Variants in CSTF1 observed in about 807,000 individuals in gnomAD.
CSTF1 encodes CF-1 50 kDa subunit.
Under a neutral mutation model 40.9 loss-of-function variants are expected in CSTF1, and 2 were observed. The observed-to-expected ratio is 0.05, with a 90% CI of 0.02 to 0.15. The LOEUF is 0.15. CSTF1 is among the 10% of genes least tolerant of loss of function. CSTF1 has a pLI of 1.00. For synonymous variants in CSTF1, 218 were observed against 207.2 expected (o/e 1.05, Z -0.45); for missense variants, 279 against 558.9 (o/e 0.50, Z 5.05).
chr20:56,398,151 G>C (rs896234322), intron 4 of CSTF1, among the ~76,000 whole-genome samples: 5 of 152,058 alleles, frequency 3.3e-5, no homozygotes, highest in Admixed American at 3.3e-4. Flanking sequence ...ATATAACTTA[G>C]AGGAATAAAA....
At position 56,405,169 on chromosome 20, in the gene CSTF1, A is replaced by G. The variant is rs1461174494; in HGVS notation, c.*1442A>G. On this transcript the variant is annotated 3_prime_UTR_variant, in exon 6 of 6. Coordinates refer to ENST00000217109, the MANE Select transcript of CSTF1 (RefSeq NM_001324.3). ...TAGTAAATAGATTGAAGTAAAAGTC[A>G]TTGCTTTATATTATAGGAAGTTTTG... The G allele has an allele frequency of 2.0e-5, 3 of 152,056 alleles. No individual in the cohort carries two copies. The highest frequency in any genetic ancestry group is 7.3e-5 in the African/African-American group (3 of 41,378). The allele number at this position is 152,056 out of a possible 1,614,324, so 9.4% of individuals were successfully genotyped here.
chr20:56,401,664 A>G (rs1978457376), intron 5 of CSTF1, among the ~76,000 whole-genome samples: 1 of 152,258 alleles, frequency 6.6e-6, no homozygotes, highest in Non-Finnish European at 1.5e-5. Flanking sequence ...ATGTCCAATA[A>G]GAAGCACTGA....
rs374376023 is a variant in CSTF1 at position 56,399,110 on chromosome 20, T to C, written c.789T>C (p.Asp263=). Residue 263 remains aspartate, a synonymous_variant, in exon 5 of 6, where the codon GAT becomes GAC. Coordinates refer to ENST00000217109, the MANE Select transcript of CSTF1 (RefSeq NM_001324.3). This position sits in a 1 kb window ranked among gnomAD's most constrained non-coding sequence, Gnocchi z 4.6. ...VSCNPQDQHT[D]AICSVNYNSS... ...GCAATCCTCAAGATCAACACACCGATGCTATATGTTCCGTTAATTACAATT... is the reference window on the plus strand; with the variant it reads ...GCAATCCTCAAGATCAACACACCGACGCTATATGTTCCGTTAATTACAATT... 1.9e-4 allele frequency: 305 copies of C among 1,614,102 alleles called. No homozygotes were observed. The highest frequency in any genetic ancestry group is 2.5e-4 in the Non-Finnish European group (298 of 1,180,038).
rs377726257 is a variant in CSTF1, at chr20:56,399,014, T to C, written c.693T>C (p.Phe231=). ...RSISFHPSGD[F]ILVGTQHPTL... is the part of the protein sequence containing the mutation. The stretch of plus-strand genomic sequence containing the variant: ...TCTCTTTTCATCCTTCTGGAGACTT[T>C]ATACTTGTCGGAACTCAGCATCCTA... Residue 231 remains phenylalanine, a synonymous_variant, in exon 5 of 6, where the codon TTT becomes TTC. Coordinates refer to ENST00000217109, the MANE Select transcript of CSTF1 (RefSeq NM_001324.3). The surrounding 1 kb of genome is among the most constrained non-coding windows in gnomAD (Gnocchi z 4.6). The C allele has an allele frequency of 6.4e-5, 104 of 1,614,034 alleles. 1 individual carries two copies. Among genetic ancestry groups the C allele is most frequent in the Non-Finnish European group, 8.6e-5 (101 of 1,180,010 alleles).
Position 56,403,908 on chromosome 20 carries a change from A to G in CSTF1, c.*181A>G. On this transcript the variant is annotated 3_prime_UTR_variant, in exon 6 of 6. Transcript: ENST00000217109. ...CTTGATGTAGAATCATGGTGGAAAA[A>G]GTTGGAAACACAGATCTGTGCAGTT... 3.1e-6 allele frequency: 2 copies of G among 640,148 alleles called. No individual in the cohort carries two copies. The highest frequency in any genetic ancestry group is 5.3e-6 in the Non-Finnish European group (2 of 376,498). The allele number at this position is 640,148 out of a possible 1,614,324, so 39.7% of individuals were successfully genotyped here. A position where few individuals can be genotyped will look rare whatever the true frequency, so the allele number is the denominator to read the frequency against.
chr20:56,397,716 G>A lies in CSTF1; in HGVS notation c.520G>A (p.Asp174Asn). Residue 174 changes from aspartate (D) to asparagine (N), a missense_variant, in exon 4 of 6, where the codon GAT (aspartate) becomes AAT (asparagine). This residue lies in a region of CSTF1 where 162 missense variants were observed against 337.1 expected (regional missense o/e 0.48). Coordinates refer to ENST00000217109, the MANE Select transcript of CSTF1 (RefSeq NM_001324.3). The surrounding 1 kb of genome is among the most constrained non-coding windows in gnomAD (Gnocchi z 4.4). ...GATTCGAACTCTTTATGACCATGTGGATGAAGTCACGTGCCTTGCTTTCCA... is the reference window on the plus strand; with the variant it reads ...GATTCGAACTCTTTATGACCATGTGAATGAAGTCACGTGCCTTGCTTTCCA... ...PVIRTLYDHV[D>N]EVTCLAFHPT... 1 of 1,614,148 alleles carries A rather than the reference G, an allele frequency of 6.2e-7. No homozygotes were observed. Among genetic ancestry groups the A allele is most frequent in the Non-Finnish European group, 8.5e-7 (1 of 1,180,018 alleles).
rs972516329 is a variant in CSTF1, at chr20:56,406,060, G to A, written c.*2333G>A. The A allele has an allele frequency of 6.6e-6, 1 of 152,164 alleles. No homozygotes were observed. Among genetic ancestry groups the A allele is most frequent in the African/African-American group, 2.4e-5 (1 of 41,436 alleles). The allele number at this position is 152,164 out of a possible 1,614,324, so 9.4% of individuals were successfully genotyped here. A position where few individuals can be genotyped will look rare whatever the true frequency, so the allele number is the denominator to read the frequency against. ...GTAGTTTCAGGACCTGTTTTTAAAA[G>A]ATCAAGATACTTTTATGTGTTTCAG... On this transcript the variant is annotated 3_prime_UTR_variant, in exon 6 of 6. Transcript: ENST00000217109.
At chr20:56,395,946 T>C (rs1987506550) in intron 2 of CSTF1, 2 of 473,480 alleles carry the variant, frequency 4.2e-6, no homozygotes, top group African/African-American at 3.9e-5. Flanking sequence ...TGAGGGTCTT[T>C]GTACACATTA....
chr20:56,398,432 T>C (rs931983553), intron 4 of CSTF1, among the ~76,000 whole-genome samples: 2 of 152,178 alleles, frequency 1.3e-5, no homozygotes, highest in African/African-American at 4.8e-5. Flanking sequence ...CAGCTGGGCA[T>C]GGTGGCACGC....
intron 1 of CSTF1, among the ~76,000 whole-genome samples, chr20:56,393,117 A>AAT (rs150366258): frequency 0.58 from 86,444 of 147,976 alleles, 25,647 homozygotes; most frequent in East Asian, 0.81. Context: ...GGCCACTTAA[A>AAT]ATATATATAT....
intron 2 of CSTF1, 22 bp downstream of exon 2, chr20:56,395,743 A>G (rs1309430635): frequency 1.2e-6 from 2 of 1,607,548 alleles, no homozygotes; most frequent in South Asian, 1.1e-5. Flanking sequence ...ACACAAATCC[A>G]TACGTCCCAT....
chr20:56,394,119 C>T (rs1234159039), intron 1 of CSTF1, among the ~76,000 whole-genome samples: 1 of 152,214 alleles, frequency 6.6e-6, no homozygotes, highest in Non-Finnish European at 1.5e-5. Context: ...ATTTTCTACT[C>T]AAGCATAGAC....
intron 1 of CSTF1, among the ~76,000 whole-genome samples, chr20:56,393,133 C>CAT (rs1987344100): frequency 2.3e-5 from 1 of 43,564 alleles, no homozygotes; most frequent in Admixed American, 2.2e-4. Context: ...TATATATATA[C>CAT]ACACACACAC....
At position 56,399,206 on chromosome 20, in the gene CSTF1, A is replaced by G. The variant is rs760130709; in HGVS notation, c.885A>G (p.Arg295=). ...AATTATGGGATGGTGTTTCAAATCG[A>G]TGCATCACAACTTTTGAGAAAGCAC... ...CIKLWDGVSN[R]CITTFEKAHD... Residue 295 remains arginine (R), a synonymous_variant, in exon 5 of 6, where the codon CGA becomes CGG. Coordinates refer to ENST00000217109, the MANE Select transcript of CSTF1 (RefSeq NM_001324.3). This position sits in a 1 kb window ranked among gnomAD's most constrained non-coding sequence, Gnocchi z 4.6. 1 of 1,614,244 alleles carries G rather than the reference A, an allele frequency of 6.2e-7. No individual in the cohort carries two copies. Among genetic ancestry groups the G allele is most frequent in the Admixed American group, 1.7e-5 (1 of 60,026 alleles).
In CSTF1 at chr20:56,397,240, C is replaced by T; in HGVS notation, c.203C>T (p.Ala68Val). ...AACGATGACACCGCAGTTCAGTATG[C>T]AATTGGTCGTTCAGATACTGTTGCC... ...MENDDTAVQYAIGRSDTVAPG... is the reference protein window; with the variant it reads ...MENDDTAVQYVIGRSDTVAPG... The change falls in exon 3 of 6, where the codon GCA becomes GTA. Residue 68 changes from alanine to valine, a missense_variant. Physicochemically the swap from Ala to Val is moderately conservative, Grantham distance 64. Coordinates refer to ENST00000217109, the MANE Select transcript of CSTF1 (RefSeq NM_001324.3). This position sits in a 1 kb window ranked among gnomAD's most constrained non-coding sequence, Gnocchi z 4.4. 6.2e-7 allele frequency: 1 copy of T among 1,614,088 alleles called. No homozygotes were observed. The highest frequency in any genetic ancestry group is 8.5e-7 in the Non-Finnish European group (1 of 1,180,020).
Position 56,397,960 on chromosome 20 carries a change from A to G in CSTF1, c.645+119A>G, listed in dbSNP as rs1978319112. 1 of 776,278 alleles carries G rather than the reference A, an allele frequency of 1.3e-6. No individual in the cohort carries two copies. Among genetic ancestry groups the G allele is most frequent in the Non-Finnish European group, 2.0e-6 (1 of 488,672 alleles). 48.1% of individuals were successfully genotyped at this position (776,278 alleles called of 1,614,324 possible). On this transcript the variant is annotated intron_variant, in intron 4 of 5. Transcript: ENST00000217109. This position sits in a 1 kb window ranked among gnomAD's most constrained non-coding sequence, Gnocchi z 4.4. The stretch of plus-strand genomic sequence containing the variant: ...TCCTGTAAGATGCGTACAGACCAGG[A>G]TGCATGCCCGATGGCACATGGATCA...
At chr20:56,401,957 C>A (rs1978468843) in intron 5 of CSTF1, among the ~76,000 whole-genome samples, 1 of 152,194 alleles carries the variant, frequency 6.6e-6, no homozygotes, top group African/African-American at 2.4e-5. Flanking sequence ...CTTTACAGAT[C>A]TGCACTACAT....
In CSTF1 at chr20:56,403,489, A is replaced by G; in HGVS notation, c.1058A>G (p.Gln353Arg). The G allele has an allele frequency of 6.2e-7, 1 of 1,614,072 alleles. No individual in the cohort carries two copies. Among genetic ancestry groups the G allele is most frequent in the Non-Finnish European group, 8.5e-7 (1 of 1,179,990 alleles). ...GCAGGCGCGGGTTTAAGTGGACGCC[A>G]GGTGCACCGGACACAGGCTGTGTTT... ...RYTGAGLSGR[Q>R]VHRTQAVFNH... The change falls in exon 6 of 6, where the codon CAG (glutamine) becomes CGG (arginine). Residue 353 changes from glutamine (Q) to arginine (R), a missense_variant. Gln to Arg is a conservative substitution (Grantham distance 43). Transcript: ENST00000217109.
intron 4 of CSTF1, 88 bp from the exon 5 acceptor site, chr20:56,398,879 C>G (rs1220539311): frequency 1.6e-6 from 2 of 1,244,416 alleles, no homozygotes; most frequent in South Asian, 1.5e-5. Flanking sequence ...TTTATAGATT[C>G]TTTTCATCAG....
Sources: gnomAD v4.1 joint callset for allele counts (sites outside exome capture counted in the v4.1 genomes callset) on GRCh38, gnomAD v4.1.1 for gene constraint, gnomAD v4.1.1 regional missense constraint, Gnocchi (gnomAD v3.1) non-coding constraint, MANE v1.5 for transcripts, NCBI Gene and HGNC (gene_info 2026-07-23, HGNC 2026-07-21) for gene names.